Variants in FAM210A observed in about 807,000 individuals in gnomAD.
FAM210A encodes mitochondrial inner membrane scaffold 1.
FAM210A carries 13 observed loss-of-function variants against 25.3 expected under a neutral mutation model. That is an observed-to-expected ratio of 0.51 (90% CI 0.33 to 0.82). The LOEUF is 0.82. Among genes scored for constraint, FAM210A ranks in the 40% least tolerant of loss-of-function variants. The probability of loss-of-function intolerance (pLI) is 0.02; values close to 1 mark genes in which losing one functional copy is unlikely to be tolerated. For missense variants in FAM210A, 319 were observed against 323.2 expected (o/e 0.99, Z 0.10); for synonymous variants, 125 against 118.7 (o/e 1.05, Z -0.35).
Position 13,666,548 on chromosome 18 carries a change from T to A in FAM210A, c.751A>T (p.Lys251Ter), listed in dbSNP as rs572582049. Residue 251 changes from lysine to a stop codon, truncating the protein, a stop_gained, in exon 4 of 4, where the codon AAA (lysine) becomes TAA (stop). Transcript: ENST00000651643. LOFTEE classifies it high-confidence loss of function. ...ELITEKMEET[K>*]DRLTEKLQET... ...TGTAACTTTTCAGTGAGTCTATCTT[T>A]TGTTTCTTCCATTTTCTCTGTGATA... 3 of 1,614,232 alleles carry A rather than the reference T, an allele frequency of 1.9e-6. No homozygotes were observed. The highest frequency in any genetic ancestry group is 4.5e-5 in the East Asian group (2 of 44,892).
chr18:13,694,173 G>A (rs2043673527), intron 1 of FAM210A, among the ~76,000 whole-genome samples: 1 of 152,226 alleles, frequency 6.6e-6, no homozygotes, highest in African/African-American at 2.4e-5. Flanking sequence ...TACAAGGGAT[G>A]TGAAGGACCT....
At chr18:13,720,847 T>C (rs548241979) in intron 1 of FAM210A, among the ~76,000 whole-genome samples, 2 of 152,282 alleles carry the variant, frequency 1.3e-5, no homozygotes, top group African/African-American at 2.4e-5. Flanking sequence ...GAAGAATCTG[T>C]TTCATGCCTA....
intron 1 of FAM210A, among the ~76,000 whole-genome samples, chr18:13,708,786 T>C (rs146878214): frequency 0.011 from 1,615 of 152,304 alleles, 22 homozygotes; most frequent in Middle Eastern, 0.024. Context: ...TTCCCTTCTT[T>C]TCTCCAGAGC....
chr18:13,670,601 T>C (rs1003052660), intron 3 of FAM210A, among the ~76,000 whole-genome samples: 5 of 152,188 alleles, frequency 3.3e-5, no homozygotes, highest in African/African-American at 9.7e-5. Context: ...TCATAAATAT[T>C]TGTCAGTTTA....
intron 1 of FAM210A, among the ~76,000 whole-genome samples, chr18:13,710,724 G>T (rs775051592): frequency 2.0e-5 from 3 of 152,076 alleles, no homozygotes; most frequent in African/African-American, 7.2e-5. Flanking sequence ...CACAAAGACC[G>T]TTTTCCACAC....
At position 13,664,865 on chromosome 18, in the gene FAM210A, C is replaced by T. The variant is rs1169785391; in HGVS notation, c.*1615G>A. ...TGTGTGGCAAACCCAGACATTCTCT[C>T]GCCTTAGCAGATAAGTCAAAACAAG... On this transcript the variant is annotated 3_prime_UTR_variant, in exon 4 of 4. Coordinates refer to ENST00000651643, the MANE Select transcript of FAM210A (RefSeq NM_152352.4). 2 of 152,198 alleles carry T rather than the reference C, an allele frequency of 1.3e-5. No homozygotes were observed. The highest frequency in any genetic ancestry group is 2.1e-4 in the South Asian group (1 of 4,830). The allele number at this position is 152,198 out of a possible 1,614,324, so 9.4% of individuals were successfully genotyped here.
chr18:13,701,899 G>A (rs369542274), intron 1 of FAM210A, among the ~76,000 whole-genome samples: 1 of 152,192 alleles, frequency 6.6e-6, no homozygotes, highest in Non-Finnish European at 1.5e-5. Flanking sequence ...AGGCCCTCCT[G>A]TCAGTAAAGT....
At chr18:13,712,909 C>T (rs1389815714) in intron 1 of FAM210A, among the ~76,000 whole-genome samples, 1 of 152,124 alleles carries the variant, frequency 6.6e-6, no homozygotes, top group Non-Finnish European at 1.5e-5. Flanking sequence ...GTGTGCTAAC[C>T]TGAAAAAGGA....
chr18:13,690,868 C>T (rs559826899), intron 1 of FAM210A, among the ~76,000 whole-genome samples: 24 of 152,286 alleles, frequency 1.6e-4, no homozygotes, highest in African/African-American at 5.3e-4. Flanking sequence ...GAACACAGCT[C>T]CTCACCAGCA....
At chr18:13,689,564 C>A (rs2043625161) in intron 1 of FAM210A, among the ~76,000 whole-genome samples, 1 of 152,134 alleles carries the variant, frequency 6.6e-6, no homozygotes, top group African/African-American at 2.4e-5. Context: ...TGGTGGGAGG[C>A]TGGACGCTCG....
At chr18:13,682,682 A>C (rs945170984) in intron 1 of FAM210A, among the ~76,000 whole-genome samples, 1 of 152,310 alleles carries the variant, frequency 6.6e-6, no homozygotes, top group Non-Finnish European at 1.5e-5. Context: ...CAGCCTGGCC[A>C]ACATGGCAAA....
chr18:13,681,777 T>C lies in FAM210A; in HGVS notation c.301A>G (p.Thr101Ala), dbSNP rs2149056763. ...TTTTTTTCCGGAGTTCCCTGAGCTGTGGCACTGGATGAAAAAACCCTCCTG... is the reference window on the plus strand; with the variant it reads ...TTTTTTTCCGGAGTTCCCTGAGCTGCGGCACTGGATGAAAAAACCCTCCTG... The part of the protein sequence containing the change: ...SFRRVFSSSA[T>A]AQGTPEKKEE... The change falls in exon 2 of 4, where the codon ACA (threonine) becomes GCA (alanine). Residue 101 changes from threonine (T) to alanine (A), a missense_variant. Thr to Ala is a moderately conservative substitution (Grantham distance 58). Transcript: ENST00000651643. The C allele has an allele frequency of 6.2e-7, 1 of 1,614,224 alleles. No individual in the cohort carries two copies. The highest frequency in any genetic ancestry group is 1.3e-5 in the African/African-American group (1 of 75,058).
intron 2 of FAM210A, among the ~76,000 whole-genome samples, chr18:13,678,280 A>T (rs2043521277): frequency 6.6e-6 from 1 of 152,040 alleles, no homozygotes. Context: ...ATCTAGTTCC[A>T]ATATTTTTTT....
At chr18:13,719,851 A>T (rs143140338) in intron 1 of FAM210A, among the ~76,000 whole-genome samples, 271 of 152,376 alleles carry the variant, frequency 1.8e-3, no homozygotes, top group Non-Finnish European at 3.4e-3. Context: ...TTGTGTTAAG[A>T]GAAGCTAAAA....
At chr18:13,682,184 T>A in intron 1 of FAM210A, 79 bp from the exon 2 acceptor site, 1 of 957,976 alleles carries the variant, frequency 1.0e-6, no homozygotes, top group East Asian at 2.5e-5. Context: ...AATCAATCAT[T>A]AACCATTAGG....
At chr18:13,701,290 G>A (rs1410902046) in intron 1 of FAM210A, among the ~76,000 whole-genome samples, 1 of 152,096 alleles carries the variant, frequency 6.6e-6, no homozygotes, top group Non-Finnish European at 1.5e-5. Context: ...CAAATTTCTG[G>A]TCCAAACTGG....
intron 2 of FAM210A, among the ~76,000 whole-genome samples, chr18:13,676,444 G>T (rs1475443780): frequency 7.2e-6 from 1 of 138,396 alleles, no homozygotes; most frequent in African/African-American, 2.6e-5. Context: ...CTGAGCCCCT[G>T]ACCTCTTTAT....
At chr18:13,699,006 C>T (rs536818499) in intron 1 of FAM210A, among the ~76,000 whole-genome samples, 3 of 152,152 alleles carry the variant, frequency 2.0e-5, no homozygotes, top group African/African-American at 7.2e-5. Flanking sequence ...AACAGGGACT[C>T]GCTATGTTGC....
chr18:13,679,483 G>A (rs2043532063), intron 2 of FAM210A, among the ~76,000 whole-genome samples: 1 of 152,024 alleles, frequency 6.6e-6, no homozygotes. Context: ...AGCATTACTT[G>A]TGATTAAGAT....
Sources: allele counts gnomAD v4.1 joint callset (sites outside exome capture counted in the v4.1 genomes callset), GRCh38; gene constraint gnomAD v4.1.1; transcripts MANE v1.5; gene names NCBI Gene and HGNC (gene_info 2026-07-23, HGNC 2026-07-21).